Variants in HTR4 observed in about 807,000 individuals in gnomAD.
HTR4 encodes 5-hydroxytryptamine receptor 4, also known as 5-hydroxytryptamine (serotonin) receptor 4, G protein-coupled.
Under a neutral mutation model 36.8 loss-of-function variants are expected in HTR4, and 16 were observed. That is an observed-to-expected ratio of 0.43 (90% CI 0.29 to 0.66). The LOEUF (loss-of-function observed/expected upper bound fraction) is 0.66. Ranked by LOEUF, HTR4 falls within the 30% of genes least tolerant of loss-of-function variation. The pLI is 0.13. For missense variants in HTR4, 438 were observed against 490.9 expected (o/e 0.89, Z 1.02); for synonymous variants, 189 against 185.1 (o/e 1.02, Z -0.17).
chr5:148,549,995 C>G (rs1052578743), intron 3 of HTR4, 142 bp downstream of exon 3: 22 of 792,028 alleles, frequency 2.8e-5, no homozygotes, highest in Non-Finnish European at 4.3e-5. Context: ...ATCCCTTTTT[C>G]TCCCCTTTTA....
At chr5:148,606,043 A>G (rs990414815) in intron 2 of HTR4, among the ~76,000 whole-genome samples, 1 of 152,228 alleles carries the variant, frequency 6.6e-6, no homozygotes, top group Non-Finnish European at 1.5e-5. Context: ...CAACAGATAA[A>G]TGATTTTAAT....
intron 2 of HTR4, among the ~76,000 whole-genome samples, chr5:148,599,827 CAG>C (rs200505103): frequency 0.018 from 2,762 of 151,968 alleles, 82 homozygotes; most frequent in African/African-American, 0.062. Flanking sequence ...TAAATGGAGT[CAG>C]AGTGTTTCCT....
chr5:148,524,000 T>C (rs1004202485), intron 4 of HTR4, among the ~76,000 whole-genome samples: 5 of 151,940 alleles, frequency 3.3e-5, no homozygotes. Context: ...TCCGTGTTTT[T>C]TTTTTTGAAT....
chr5:148,595,515 A>G (rs780273642), intron 2 of HTR4, among the ~76,000 whole-genome samples: 1 of 152,210 alleles, frequency 6.6e-6, no homozygotes, highest in Non-Finnish European at 1.5e-5. Flanking sequence ...ACCCACCAGG[A>G]GCAAATCATG....
chr5:148,599,583 A>G (rs1431819253), intron 2 of HTR4, among the ~76,000 whole-genome samples: 1 of 152,156 alleles, frequency 6.6e-6, no homozygotes, highest in Non-Finnish European at 1.5e-5. Context: ...TAAGGCAAAT[A>G]AAAACAGAAT....
intron 1 of HTR4, among the ~76,000 whole-genome samples, chr5:148,653,140 A>G (rs1040827065): frequency 4.6e-5 from 7 of 152,222 alleles, no homozygotes; most frequent in African/African-American, 1.7e-4. Flanking sequence ...TAAGGGCCAG[A>G]GAATCCATCC....
chr5:148,453,684 G>A (rs935708281), intron 5 of HTR4, among the ~76,000 whole-genome samples: 20 of 152,162 alleles, frequency 1.3e-4, no homozygotes, highest in African/African-American at 4.6e-4. Flanking sequence ...CCAGGGCCAA[G>A]TGGGCGGGGG....
intron 1 of HTR4, among the ~76,000 whole-genome samples, chr5:148,649,954 A>G (rs1034734956): frequency 2.0e-5 from 3 of 152,156 alleles, no homozygotes; most frequent in Non-Finnish European, 4.4e-5. Flanking sequence ...CTGCGAACCT[A>G]TTAGAAATGT....
chr5:148,506,361 A>AC (rs1757212654), intron 6 of HTR4, among the ~76,000 whole-genome samples: 1 of 152,040 alleles, frequency 6.6e-6, no homozygotes. Flanking sequence ...TACACCTTAT[A>AC]AAAAATTAAT....
intron 5 of HTR4, among the ~76,000 whole-genome samples, chr5:148,514,270 T>A (rs1214604218): frequency 6.6e-6 from 1 of 152,144 alleles, no homozygotes; most frequent in Non-Finnish European, 1.5e-5. Context: ...TTAAGGAAAC[T>A]ACATTCTATT....
chr5:148,526,646 G>T (rs957352632), intron 4 of HTR4, among the ~76,000 whole-genome samples: 1 of 152,068 alleles, frequency 6.6e-6, no homozygotes, highest in African/African-American at 2.4e-5. Context: ...GTGGATAAAT[G>T]AGTATAGAAA....
chr5:148,647,252 A>ATG (rs1444385261), intron 1 of HTR4, among the ~76,000 whole-genome samples: 1 of 152,236 alleles, frequency 6.6e-6, no homozygotes, highest in Non-Finnish European at 1.5e-5. Flanking sequence ...ATTTTCATAA[A>ATG]TTATTTTGAA....
exon 6 of HTR4, chr5:148,451,225 G>C (rs540745040): frequency 6.2e-7 from 1 of 1,613,868 alleles, no homozygotes; most frequent in African/African-American, 1.3e-5. Flanking sequence ...ATTGTGTATG[G>C]GCAGTTTCTC....
chr5:148,602,113 A>G (rs1762017824), intron 2 of HTR4, among the ~76,000 whole-genome samples: 1 of 152,152 alleles, frequency 6.6e-6, no homozygotes, highest in African/African-American at 2.4e-5. Context: ...TTGCTAAGAG[A>G]GTAGCTCTTA....
chr5:148,521,713 T>C (rs1203614899), intron 5 of HTR4, among the ~76,000 whole-genome samples: 1 of 152,158 alleles, frequency 6.6e-6, no homozygotes, highest in Admixed American at 6.6e-5. Flanking sequence ...GAATAATGCC[T>C]GGCATATGTT....
chr5:148,550,559 G>A (rs1239363061), intron 2 of HTR4, among the ~76,000 whole-genome samples: 1 of 152,194 alleles, frequency 6.6e-6, no homozygotes, highest in Non-Finnish European at 1.5e-5. Flanking sequence ...TCAGACATAT[G>A]TAGTTGATGC....
intron 2 of HTR4, among the ~76,000 whole-genome samples, chr5:148,614,176 A>C (rs999251179): frequency 2.0e-5 from 3 of 152,168 alleles, no homozygotes; most frequent in Non-Finnish European, 4.4e-5. Flanking sequence ...AATTGGAAAA[A>C]ACTACTTTCA....
Position 148,548,845 on chromosome 5 carries a change from A to G in HTR4, c.176T>C (p.Ile59Thr), listed in dbSNP as rs1230135840. 1 of 1,613,900 alleles carries G rather than the reference A, an allele frequency of 6.2e-7. No individual in the cohort carries two copies. The highest frequency in any genetic ancestry group is 8.5e-7 in the Non-Finnish European group (1 of 1,179,924). Residue 59 changes from isoleucine to threonine, a missense_variant, in exon 4 of 7, where the codon ATT becomes ACT. By Grantham distance (89) the Ile-to-Thr change is moderately conservative. Coordinates refer to ENST00000377888, the MANE Select transcript of HTR4 (RefSeq NM_000870.7). ...CAGATCCGCAAAAGCAAGAGATACA[A>G]TGAAATAATTTGTTTTTATTTTCCT... is the stretch of plus-strand genomic sequence containing the variant. ...QLRKIKTNYF[I>T]VSLAFADLLV...
downstream of HTR4, among the ~76,000 whole-genome samples, chr5:148,472,482 G>T (rs1029889589): frequency 2.6e-5 from 4 of 152,122 alleles, no homozygotes; most frequent in African/African-American, 9.7e-5. Context: ...TTTGCTGGTG[G>T]TGCTGGTGAT....
Sources: allele counts gnomAD v4.1 joint callset (sites outside exome capture counted in the v4.1 genomes callset), GRCh38; gene constraint gnomAD v4.1.1; transcripts MANE v1.5; gene names NCBI Gene and HGNC (gene_info 2026-07-23, HGNC 2026-07-21).